CTNNA3: variants seen among roughly 807,000 people sequenced by gnomAD.
CTNNA3 encodes catenin alpha-3.
CTNNA3 carries 76 observed loss-of-function variants against 95.7 expected under a neutral mutation model. The observed-to-expected ratio is 0.79, with a 90% CI of 0.66 to 0.96. The LOEUF (loss-of-function observed/expected upper bound fraction) is 0.96. Among genes scored for constraint, CTNNA3 ranks in the 40% least tolerant of loss-of-function variants. The pLI, the probability that CTNNA3 is intolerant of heterozygous loss-of-function variation, is 0.00. For missense variants in CTNNA3, 1,191 were observed against 1,089.8 expected (o/e 1.09, Z -1.31); for synonymous variants, 431 against 374.4 (o/e 1.15, Z -1.74).
chr10:67,746,067 A>C (rs1222603786), intron 1 of CTNNA3, among the ~76,000 whole-genome samples: 1 of 152,218 alleles, frequency 6.6e-6, no homozygotes, highest in Non-Finnish European at 1.5e-5. Flanking sequence ...AGAAATAGAA[A>C]AAACAATTCA....
chr10:67,245,830 G>C lies in CTNNA3; in HGVS notation c.580-25960C>G, dbSNP rs184947426. On this transcript the variant is annotated intron_variant, in intron 5 of 17. Coordinates refer to ENST00000433211, the MANE Select transcript of CTNNA3 (RefSeq NM_013266.4). ...AGATTGCACCACTGCACTCCAGCCTGGGTGACAGTGCGAGACTCTGTCTCC... is the reference window on the plus strand; with the variant it reads ...AGATTGCACCACTGCACTCCAGCCTCGGTGACAGTGCGAGACTCTGTCTCC... Among the ~76,000 whole-genome samples, 11 of 148,752 alleles carry C rather than the reference G, an allele frequency of 7.4e-5. No individual in the cohort carries two copies. In the East Asian group the frequency reaches 2.0e-3, roughly 26 times the overall value.
intron 16 of CTNNA3, among the ~76,000 whole-genome samples, chr10:65,975,088 G>C (rs1402351128): frequency 6.6e-6 from 1 of 152,126 alleles, no homozygotes; most frequent in Non-Finnish European, 1.5e-5. Flanking sequence ...TGTAGCTCCA[G>C]AGTGTGTGCA....
intron 9 of CTNNA3, among the ~76,000 whole-genome samples, chr10:66,631,345 G>A (rs534395448): frequency 8.5e-5 from 13 of 152,224 alleles, no homozygotes; most frequent in Middle Eastern, 3.4e-3. Context: ...ATCAGGCAAC[G>A]TTCCTATTAA....
intron 12 of CTNNA3, among the ~76,000 whole-genome samples, chr10:66,312,058 G>A (rs1310751811): frequency 6.6e-6 from 1 of 152,142 alleles, no homozygotes; most frequent in Non-Finnish European, 1.5e-5. Context: ...AAGAGCTTTT[G>A]TAGTTATAAT....
At chr10:66,767,100 A>C (rs1339176081) in intron 8 of CTNNA3, among the ~76,000 whole-genome samples, 1 of 152,164 alleles carries the variant, frequency 6.6e-6, no homozygotes, top group Non-Finnish European at 1.5e-5. Flanking sequence ...CTGAGATTTA[A>C]AACTGCACTG....
intron 12 of CTNNA3, among the ~76,000 whole-genome samples, chr10:66,335,230 C>A (rs933542208): frequency 6.6e-6 from 1 of 152,084 alleles, no homozygotes; most frequent in Non-Finnish European, 1.5e-5. Context: ...TCTCTCAACT[C>A]GTCAAAGTCA....
intron 5 of CTNNA3, among the ~76,000 whole-genome samples, chr10:67,439,570 T>C (rs1846423690): frequency 6.6e-6 from 1 of 152,084 alleles, no homozygotes; most frequent in Non-Finnish European, 1.5e-5. Context: ...CATAAGAAAC[T>C]GTCCTCATAA....
chr10:66,338,196 C>G (rs548653007), intron 12 of CTNNA3, among the ~76,000 whole-genome samples: 19 of 152,036 alleles, frequency 1.2e-4, no homozygotes, highest in African/African-American at 4.6e-4. Flanking sequence ...AGACGCCAGT[C>G]ACAAAGGACC....
At chr10:66,562,914 C>A (rs1415686320) in intron 10 of CTNNA3, among the ~76,000 whole-genome samples, 1 of 151,992 alleles carries the variant, frequency 6.6e-6, no homozygotes, top group East Asian at 1.9e-4. Context: ...TATTAATGAT[C>A]ACTTTTATTG....
chr10:66,110,293 T>C (rs7091154), intron 13 of CTNNA3, among the ~76,000 whole-genome samples: 124,452 of 150,418 alleles, frequency 0.83, 51,568 homozygotes, highest in South Asian at 0.92. Flanking sequence ...ACCTGGGAGG[T>C]GGAGGTTGCA....
At chr10:67,004,936 C>A (rs1851885819) in intron 7 of CTNNA3, among the ~76,000 whole-genome samples, 1 of 152,098 alleles carries the variant, frequency 6.6e-6, no homozygotes. Flanking sequence ...TGTTGTTAGG[C>A]TGTATTACCC....
chr10:66,294,886 C>G (rs201069928), intron 12 of CTNNA3, among the ~76,000 whole-genome samples: 11,212 of 142,818 alleles, frequency 0.079, 809 homozygotes, highest in Admixed American at 0.13. Flanking sequence ...ACAGTCAGGA[C>G]AGAGAGAGAG....
chr10:66,875,525 C>T (rs1844583176), intron 7 of CTNNA3, among the ~76,000 whole-genome samples: 1 of 152,052 alleles, frequency 6.6e-6, no homozygotes, highest in African/African-American at 2.4e-5. Flanking sequence ...ACAGGTTAAG[C>T]CTCACTTGCT....
At chr10:67,647,627 G>T in intron 1 of CTNNA3, 109 bp from the exon 2 acceptor site, 1 of 771,722 alleles carries the variant, frequency 1.3e-6, no homozygotes, top group Non-Finnish European at 2.1e-6. Flanking sequence ...ACCTCTTCCT[G>T]ATATCAACCA....
rs1371599096 is a variant in CTNNA3, at chr10:65,919,836, C to T, written c.*494G>A. 1 of 154,450 alleles carries T rather than the reference C, an allele frequency of 6.5e-6. No individual in the cohort carries two copies. The highest frequency in any genetic ancestry group is 1.4e-5 in the Non-Finnish European group (1 of 69,662). The allele number at this position is 154,450 out of a possible 1,614,324, so 9.6% of individuals were successfully genotyped here. A position where few individuals can be genotyped will look rare whatever the true frequency, so the allele number is the denominator to read the frequency against. On this transcript the variant is annotated 3_prime_UTR_variant, in exon 18 of 18. Transcript: ENST00000433211. ...TTTTTTTGCTATGGCAGGAATCATA[C>T]ATTTCTGCCTGGTTAGGTGCCAGGT... is the stretch of plus-strand genomic sequence containing the variant.
At chr10:67,644,893 C>T (rs940652476) in intron 2 of CTNNA3, among the ~76,000 whole-genome samples, 1 of 152,024 alleles carries the variant, frequency 6.6e-6, no homozygotes, top group African/African-American at 2.4e-5. Context: ...TGACATCAAT[C>T]TTAAGGAAGA....
At chr10:67,627,727 C>G (rs2133427496) in intron 2 of CTNNA3, among the ~76,000 whole-genome samples, 1 of 152,046 alleles carries the variant, frequency 6.6e-6, no homozygotes, top group African/African-American at 2.4e-5. Flanking sequence ...ACTGATGAAA[C>G]ATCTTTCTAA....
At chr10:66,764,519 A>G (rs1839762118) in intron 9 of CTNNA3, among the ~76,000 whole-genome samples, 1 of 152,218 alleles carries the variant, frequency 6.6e-6, no homozygotes, top group Non-Finnish European at 1.5e-5. Context: ...TGTTCGACCA[A>G]GGCACCCTTC....
chr10:66,458,785 C>T (rs1425443195), intron 11 of CTNNA3, among the ~76,000 whole-genome samples: 4 of 152,086 alleles, frequency 2.6e-5, no homozygotes, highest in African/African-American at 4.8e-5. Context: ...GAATAATAGA[C>T]CATTGTATGA....
Sources: gnomAD v4.1 joint callset for allele counts (sites outside exome capture counted in the v4.1 genomes callset) on GRCh38, gnomAD v4.1.1 for gene constraint, MANE v1.5 for transcripts, NCBI Gene and HGNC (gene_info 2026-07-23, HGNC 2026-07-21) for gene names.